The following GRIK5 variants were observed in gnomAD, a reference collection of about 807,000 sequenced individuals.
GRIK5 encodes the protein glutamate ionotropic receptor kainate type subunit 5.
Under a neutral mutation model 97.4 loss-of-function variants are expected in GRIK5, and 43 were observed. The observed-to-expected ratio is 0.44, with a 90% CI of 0.35 to 0.57. The LOEUF is 0.57. Among genes scored for constraint, GRIK5 ranks in the 20% least tolerant of loss-of-function variants. GRIK5 has a pLI of 0.01. For synonymous variants in GRIK5, 580 were observed against 583.5 expected (o/e 0.99, Z 0.09); for missense variants, 1,015 against 1,382.0 (o/e 0.73, Z 4.21).
In GRIK5 at chr19:42,062,663, G is replaced by A. The variant is rs761984195; in HGVS notation, c.343-10C>T. The A allele has an allele frequency of 1.9e-6, 3 of 1,613,992 alleles. No homozygotes were observed. Among genetic ancestry groups the A allele is most frequent in the Middle Eastern group, 1.6e-4 (1 of 6,062 alleles). On this transcript the variant is annotated splice_polypyrimidine_tract_variant and intron_variant, in intron 4 of 19. Transcript: ENST00000593562. This position sits in a 1 kb window ranked among gnomAD's most constrained non-coding sequence, Gnocchi z 5.3. ...CCTTGATGTGGGGGATCTGGACAGA[G>A]AGGAAACTTTGGCCTCCATCCTGCT...
In GRIK5 at chr19:42,042,238, C is replaced by T. The variant is rs1002867519; in HGVS notation, c.1473+314G>A. Among the ~76,000 whole-genome samples, 7 of 152,234 alleles carry T rather than the reference C, an allele frequency of 4.6e-5. No homozygotes were observed. Among genetic ancestry groups the T allele is most frequent in the Admixed American group, 1.3e-4 (2 of 15,292 alleles). On this transcript the variant is annotated intron_variant, in intron 12 of 19. Coordinates refer to ENST00000593562, the MANE Select transcript of GRIK5 (RefSeq NM_002088.5). The surrounding 1 kb of genome is among the most constrained non-coding windows in gnomAD (Gnocchi z 6.9). ...TCCTCAGACCTTTTCCTGCTCCCCA[C>T]TCCATGTCTCTTTCATTCACTTAAC... is the stretch of plus-strand genomic sequence containing the variant.
chr19:41,999,197 C>A lies in GRIK5; in HGVS notation c.2617G>T (p.Ala873Ser). 6.6e-7 allele frequency: 1 copy of A among 1,517,302 alleles called. No homozygotes were observed. Among genetic ancestry groups the A allele is most frequent in the African/African-American group, 1.4e-5 (1 of 69,982 alleles). The allele number at this position is 1,517,302 out of a possible 1,614,324, so 94.0% of individuals were successfully genotyped here. A position where few individuals can be genotyped will look rare whatever the true frequency, so the allele number is the denominator to read the frequency against. Residue 873 changes from alanine (A) to serine (S), a missense_variant, in exon 20 of 20, where the codon GCC becomes TCC. Ala to Ser is a moderately conservative substitution (Grantham distance 99, BLOSUM62 1). Around this residue, in one of 5 missense-constraint regions of GRIK5, gnomAD observed 229 missense variants for 341.0 expected, o/e 0.67. Coordinates refer to ENST00000593562, the MANE Select transcript of GRIK5 (RefSeq NM_002088.5). This position sits in a 1 kb window ranked among gnomAD's most constrained non-coding sequence, Gnocchi z 5.0. ...CGGACCGCGCGCAGTGACAGCAGGGCCCGGCTCGGGCCGCCCGGGCGTCGG... is the reference window on the plus strand; with the variant it reads ...CGGACCGCGCGCAGTGACAGCAGGGACCGGCTCGGGCCGCCCGGGCGTCGG... ...RRRRPGGPSR[A>S]LLSLRAVREM...
chr19:42,061,340 G>A (rs558592627), intron 5 of GRIK5, among the ~76,000 whole-genome samples: 24 of 152,218 alleles, frequency 1.6e-4, no homozygotes, highest in African/African-American at 4.6e-4. Flanking sequence ...CATCGCGCCC[G>A]GCCATAAATA....
At chr19:42,068,709 G>A (rs1471296931) in intron 1 of GRIK5, 1 of 492,146 alleles carries the variant, frequency 2.0e-6, no homozygotes, top group East Asian at 3.4e-5. Context: ...TCTAAACAGA[G>A]ACATGCCGAG....
At chr19:42,001,545 T>A (rs1555870910) in intron 19 of GRIK5, among the ~76,000 whole-genome samples, 1 of 152,154 alleles carries the variant, frequency 6.6e-6, no homozygotes, top group Admixed American at 6.6e-5. Flanking sequence ...CATCTTTCAA[T>A]GAAATTGGTC....
intron 12 of GRIK5, among the ~76,000 whole-genome samples, chr19:42,036,275 T>G (rs2075903707): frequency 6.6e-6 from 1 of 152,144 alleles, no homozygotes; most frequent in Non-Finnish European, 1.5e-5. Flanking sequence ...TTGGCGGGGC[T>G]GGTCTCGAAC....
At chr19:42,027,132 G>A (rs933632277) in intron 12 of GRIK5, among the ~76,000 whole-genome samples, 6 of 152,114 alleles carry the variant, frequency 3.9e-5, no homozygotes, top group Admixed American at 6.5e-5. Flanking sequence ...TTTGTATAGC[G>A]CCCTCCACTA....
chr19:42,066,414 AAG>A (rs760471679), intron 1 of GRIK5, among the ~76,000 whole-genome samples: 1 of 151,516 alleles, frequency 6.6e-6, no homozygotes, highest in East Asian at 1.9e-4. Flanking sequence ...GATGGAGAAA[AAG>A]AGAGAGAGGC....
At chr19:42,053,771 C>T in intron 10 of GRIK5, 54 bp downstream of exon 10, 1 of 1,542,216 alleles carries the variant, frequency 6.5e-7, no homozygotes, top group South Asian at 1.1e-5. Context: ...AGCCTCTGGG[C>T]CCGCCCCCAC....
chr19:42,054,498 G>A (rs1452512243), intron 8 of GRIK5, 26 bp from the exon 9 acceptor site: 2 of 1,605,888 alleles, frequency 1.2e-6, no homozygotes, highest in Admixed American at 3.3e-5. Flanking sequence ...GGCGGGGGTG[G>A]GATGGATAAG....
At position 42,059,410 on chromosome 19, in the gene GRIK5, T is replaced by G; in HGVS notation, c.626A>C (p.Asp209Ala). The G allele has an allele frequency of 1.2e-6, 2 of 1,614,014 alleles. No homozygotes were observed. The highest frequency in any genetic ancestry group is 1.7e-6 in the Non-Finnish European group (2 of 1,179,924). The change falls in exon 6 of 20, where the codon GAC becomes GCC. Residue 209 changes from aspartate to alanine, a missense_variant. Physicochemically the swap from Asp to Ala is moderately radical, Grantham distance 126. This residue lies in a region of GRIK5 where 477 missense variants were observed against 701.1 expected (regional missense o/e 0.68). Transcript: ENST00000593562. The stretch of plus-strand genomic sequence containing the variant: ...GTCGATGATGATGGTGGACACCTTG[T>G]CATCACGGATCTCCTTGAGCAGTGG... ...PTPLLKEIRDDKVSTIIIDAN... is the reference protein window; with the variant it reads ...PTPLLKEIRDAKVSTIIIDAN...
Position 42,002,283 on chromosome 19 carries a change from G to A in GRIK5, c.2514+1049C>T, listed in dbSNP as rs1304979687. 1.4e-6 allele frequency: 1 copy of A among 717,614 alleles called. No homozygotes were observed. Among genetic ancestry groups the A allele is most frequent in the African/African-American group, 1.7e-5 (1 of 57,274 alleles). 44.5% of individuals were successfully genotyped at this position (717,614 alleles called of 1,614,324 possible). A position where few individuals can be genotyped will look rare whatever the true frequency, so the allele number is the denominator to read the frequency against. On this transcript the variant is annotated intron_variant, in intron 19 of 19. Transcript: ENST00000593562. The surrounding 1 kb of genome is among the most constrained non-coding windows in gnomAD (Gnocchi z 5.2). ...TAAAGAGAAGGGAAGAAAGTGGGCG[G>A]TGGCTGGGAGGGAAAGTGAGGTCAG...
intron 12 of GRIK5, among the ~76,000 whole-genome samples, chr19:42,028,641 C>T (rs1230811053): frequency 6.6e-6 from 1 of 152,276 alleles, no homozygotes; most frequent in East Asian, 1.9e-4. Flanking sequence ...TGACTTTCAG[C>T]TCCACAGAGC....
intron 11 of GRIK5, 46 bp downstream of exon 11, chr19:42,053,556 G>T (rs574181098): frequency 1.1e-5 from 12 of 1,133,990 alleles, no homozygotes; most frequent in Non-Finnish European, 1.6e-5. Context: ...GCTAGGACTG[G>T]GCTCAGGGCA....
Position 42,062,390 on chromosome 19 carries a change from T to C in GRIK5, c.508+98A>G. 1 of 1,282,194 alleles carries C rather than the reference T, an allele frequency of 7.8e-7. No individual in the cohort carries two copies. Among genetic ancestry groups the C allele is most frequent in the Non-Finnish European group, 1.1e-6 (1 of 918,372 alleles). 79.4% of individuals were successfully genotyped at this position (1,282,194 alleles called of 1,614,324 possible). A position where few individuals can be genotyped will look rare whatever the true frequency, so the allele number is the denominator to read the frequency against. The stretch of plus-strand genomic sequence containing the variant: ...AGCCTGGTGCCTGGGTGCCCCAGGG[T>C]TCTAACTAGGGGGCAGTGAACCACT... On this transcript the variant is annotated intron_variant, in intron 5 of 19. Transcript: ENST00000593562. The surrounding 1 kb of genome is among the most constrained non-coding windows in gnomAD (Gnocchi z 5.3).
chr19:42,016,529 G>A (rs1356508018), intron 15 of GRIK5, among the ~76,000 whole-genome samples: 3 of 152,246 alleles, frequency 2.0e-5, no homozygotes, highest in African/African-American at 7.2e-5. Context: ...GACTGGTGGT[G>A]GTGATGGGGC....
chr19:42,026,765 G>A (rs1483221737), intron 12 of GRIK5, among the ~76,000 whole-genome samples: 6 of 147,370 alleles, frequency 4.1e-5, no homozygotes, highest in African/African-American at 1.0e-4. Flanking sequence ...AAGGGGTTTC[G>A]CCATGTTGCC....
In GRIK5 at chr19:42,022,261, T is replaced by A. The variant is rs772961465; in HGVS notation, c.1567A>T (p.Ile523Phe). 5 of 1,612,904 alleles carry A rather than the reference T, an allele frequency of 3.1e-6. No individual in the cohort carries two copies. The highest frequency in any genetic ancestry group is 4.2e-6 in the Non-Finnish European group (5 of 1,178,890). ...SKPFMTLGIS[I>F]LYRVHMGRKP... is the part of the protein sequence containing the mutation. ...CATACCATGTGCACTCGGTAGAGGA[T>A]GCTGATCCCCAGGGTCATAAAGGGC... The change falls in exon 13 of 20, where the codon ATC (isoleucine) becomes TTC (phenylalanine). Residue 523 changes from isoleucine (I) to phenylalanine (F), a missense_variant. Coordinates refer to ENST00000593562, the MANE Select transcript of GRIK5 (RefSeq NM_002088.5). The surrounding 1 kb of genome is among the most constrained non-coding windows in gnomAD (Gnocchi z 4.2).
Position 42,003,543 on chromosome 19 carries a change from G to T in GRIK5, c.2392+12C>A, listed in dbSNP as rs372552451. The T allele has an allele frequency of 6.2e-7, 1 of 1,608,744 alleles. No homozygotes were observed. Among genetic ancestry groups the T allele is most frequent in the South Asian group, 1.1e-5 (1 of 90,098 alleles). On this transcript the variant is annotated intron_variant, in intron 18 of 19. Transcript: ENST00000593562. This position sits in a 1 kb window ranked among gnomAD's most constrained non-coding sequence, Gnocchi z 4.2. ...GGGCTATGGGAAGGGGACACCATACGCGGGAACTGACCTTTAGCTCGATGG... is the reference window on the plus strand; with the variant it reads ...GGGCTATGGGAAGGGGACACCATACTCGGGAACTGACCTTTAGCTCGATGG...
Sources: gnomAD v4.1 joint callset for allele counts (sites outside exome capture counted in the v4.1 genomes callset) on GRCh38, gnomAD v4.1.1 for gene constraint, gnomAD v4.1.1 regional missense constraint, Gnocchi (gnomAD v3.1) non-coding constraint, MANE v1.5 for transcripts, NCBI Gene and HGNC (gene_info 2026-07-23, HGNC 2026-07-21) for gene names.